Variants in AKAP3 observed in about 807,000 individuals in gnomAD.
The protein encoded by AKAP3 is A-kinase anchor protein 3.
AKAP3 carries 27 observed loss-of-function variants against 57.2 expected under a neutral mutation model. The ratio of observed to expected loss-of-function variants is 0.47; its 90% CI spans 0.35 to 0.65. The LOEUF (loss-of-function observed/expected upper bound fraction) is 0.65, where lower values mean the gene tolerates loss of function less well. Among genes scored for constraint, AKAP3 ranks in the 30% least tolerant of loss-of-function variants. AKAP3 has a pLI of 0.01. For missense variants in AKAP3, 959 were observed against 1,040.0 expected, an observed-to-expected ratio of 0.92 and a Z score of 1.07; for synonymous variants, 334 against 392.3, an observed-to-expected ratio of 0.85 and a Z score of 1.76.
At position 4,641,062 on chromosome 12, in the gene AKAP3, C is replaced by CTTTTTTTT. The variant is rs374817430; in HGVS notation, c.-1+829_-1+836dup. 1.0e-4 allele frequency among the ~76,000 whole-genome samples: 7 copies of CTTTTTTTT among 68,700 alleles called. 1 individual carries two copies. Among genetic ancestry groups the CTTTTTTTT allele is most frequent in the East Asian group, 5.6e-4 (1 of 1,778 alleles). 45.1% of individuals were successfully genotyped at this position (68,700 alleles called of 152,430 possible). On this transcript the variant is annotated intron_variant, in intron 3 of 5. Coordinates refer to ENST00000228850, the MANE Select transcript of AKAP3 (RefSeq NM_001278309.2). ...TCTCTGAGACAGATTTTCTAACTTC[C>CTTTTTTTT]TTTTTTTTTTTTTTTTTTTTTTTTT...
chr12:4,635,376 G>A, intron 4 of AKAP3: 1 of 634,006 alleles, frequency 1.6e-6, no homozygotes, highest in Non-Finnish European at 2.8e-6. Context: ...GTTTGGTTGT[G>A]TGGGTTCAGT....
chr12:4,618,240 C>A (rs1239036671), intron 5 of AKAP3, among the ~76,000 whole-genome samples: 1 of 152,064 alleles, frequency 6.6e-6, no homozygotes, highest in African/African-American at 2.4e-5. Flanking sequence ...AACCTCACTT[C>A]AAATATAATA....
At chr12:4,640,472 T>C (rs539915833) in intron 3 of AKAP3, among the ~76,000 whole-genome samples, 2 of 152,340 alleles carry the variant, frequency 1.3e-5, no homozygotes, top group Admixed American at 6.5e-5. Context: ...TTAAAGGACT[T>C]TGGACTGTGG....
chr12:4,630,467 G>GAAAAGAA (rs1444037076), intron 4 of AKAP3, among the ~76,000 whole-genome samples: 2 of 139,466 alleles, frequency 1.4e-5, no homozygotes, highest in Admixed American at 1.4e-4. Flanking sequence ...TACTTGGAAA[G>GAAAAGAA]AAAAGAAAAG....
At chr12:4,621,787 T>C (rs1008210650) in intron 5 of AKAP3, among the ~76,000 whole-genome samples, 5 of 152,068 alleles carry the variant, frequency 3.3e-5, no homozygotes, top group African/African-American at 4.8e-5. Flanking sequence ...TTTGCTAATA[T>C]CGTAAAGTGG....
Position 4,649,037 on chromosome 12 carries a change from C to G in AKAP3, c.-537G>C. On this transcript the variant is annotated 5_prime_UTR_variant, in exon 1 of 6. Coordinates refer to ENST00000228850, the MANE Select transcript of AKAP3 (RefSeq NM_001278309.2). ...CGAAACCGTCGTTTCTTGGTTAGCG[C>G]TTGCGCAGACAGGCGAGAAAGGTAA... is the stretch of plus-strand genomic sequence containing the variant. 6.8e-7 allele frequency: 1 copy of G among 1,468,814 alleles called. No individual in the cohort carries two copies. Among genetic ancestry groups the G allele is most frequent in the Non-Finnish European group, 9.3e-7 (1 of 1,072,448 alleles). 91.0% of individuals were successfully genotyped at this position (1,468,814 alleles called of 1,614,324 possible).
Position 4,615,728 on chromosome 12 carries a change from G to A in AKAP3, c.*11C>T, listed in dbSNP as rs759103917. On this transcript the variant is annotated 3_prime_UTR_variant, in exon 6 of 6. Transcript: ENST00000228850. ...CACTGCCAGAAGAGGGGAAAGCAGT[G>A]GGGTTGCCGATTACAGGTTCACCAT... 6 of 1,611,548 alleles carry A rather than the reference G, an allele frequency of 3.7e-6. No homozygotes were observed. The highest frequency in any genetic ancestry group is 5.1e-6 in the Non-Finnish European group (6 of 1,178,056).
chr12:4,631,511 GCAGCAATGT>G, intron 4 of AKAP3: 1 of 580,700 alleles, frequency 1.7e-6, no homozygotes, highest in East Asian at 2.9e-5. Flanking sequence ...TTAGATGTAA[GCAGCAATGT>G]CTTCCCCCAG....
Position 4,626,855 on chromosome 12 carries a change from T to C in AKAP3, c.2047A>G (p.Ile683Val), listed in dbSNP as rs766487129. 4 of 1,609,718 alleles carry C rather than the reference T, an allele frequency of 2.5e-6. No homozygotes were observed. Among genetic ancestry groups the C allele is most frequent in the East Asian group, 2.2e-5 (1 of 44,884 alleles). Residue 683 changes from isoleucine (I) to valine (V), a missense_variant, in exon 5 of 6, where the codon ATC becomes GTC. By Grantham distance (29) the Ile-to-Val change is conservative (BLOSUM62 3). Coordinates refer to ENST00000228850, the MANE Select transcript of AKAP3 (RefSeq NM_001278309.2). ...LMNSVMKLCV[I>V]IAKSCDASLA... The stretch of plus-strand genomic sequence containing the variant: ...GAAGCATCACAGGACTTAGCAATGA[T>C]GACACACAGCTTCATCACTGAGTTC...
intron 1 of AKAP3, among the ~76,000 whole-genome samples, chr12:4,647,590 T>TA (rs1422624568): frequency 2.0e-5 from 3 of 152,100 alleles, no homozygotes; most frequent in East Asian, 1.9e-4. Context: ...GTGTTTAACT[T>TA]AGAGATTTTA....
At chr12:4,636,416 G>A (rs1014805843) in intron 4 of AKAP3, among the ~76,000 whole-genome samples, 3 of 152,202 alleles carry the variant, frequency 2.0e-5, no homozygotes, top group African/African-American at 7.2e-5. Flanking sequence ...TTTCCAAAAT[G>A]AATGATAAGG....
At chr12:4,634,604 G>C (rs573665842) in intron 4 of AKAP3, among the ~76,000 whole-genome samples, 1 of 152,218 alleles carries the variant, frequency 6.6e-6, no homozygotes, top group East Asian at 1.9e-4. Flanking sequence ...AGATATCACA[G>C]ACACCTGGTT....
At chr12:4,623,779 T>C (rs1565549656) in intron 5 of AKAP3, among the ~76,000 whole-genome samples, 3 of 152,124 alleles carry the variant, frequency 2.0e-5, no homozygotes, top group Admixed American at 6.6e-5. Context: ...TGGGCAGAAG[T>C]TATGACAAAT....
In AKAP3 at chr12:4,625,303, T is replaced by G. The variant is rs959806278; in HGVS notation, c.2406+1193A>C. ...TGGAGGGAAGTGTGAGATTCTGCACTTCTAAAAAGCTCCCAGGTGATGCCA... is the reference window on the plus strand; with the variant it reads ...TGGAGGGAAGTGTGAGATTCTGCACGTCTAAAAAGCTCCCAGGTGATGCCA... On this transcript the variant is annotated intron_variant, in intron 5 of 5. Transcript: ENST00000228850. The surrounding 1 kb of genome is among the most constrained non-coding windows in gnomAD (Gnocchi z 5.4). 1.3e-5 allele frequency among the ~76,000 whole-genome samples: 2 copies of G among 152,208 alleles called. No homozygotes were observed. Among genetic ancestry groups the G allele is most frequent in the African/African-American group, 4.8e-5 (2 of 41,452 alleles).
At chr12:4,634,103 C>T (rs1284072955) in intron 4 of AKAP3, among the ~76,000 whole-genome samples, 2 of 151,816 alleles carry the variant, frequency 1.3e-5, no homozygotes, top group Non-Finnish European at 2.9e-5. Flanking sequence ...CAGTCCAACA[C>T]TTAAACAGAT....
chr12:4,627,089 TCTCA>T lies in AKAP3; in HGVS notation c.1809_1812del (p.Ser603ArgfsTer50), dbSNP rs760080732. 1.9e-6 allele frequency: 3 copies of T among 1,614,162 alleles called. No homozygotes were observed. The highest frequency in any genetic ancestry group is 1.7e-6 in the Non-Finnish European group (2 of 1,180,018). ...GGGCTCTGGTCACGCTTGAAAATGG[TCTCA>T]CTAAGTAAGTTCCGGATGAAATTAA... On this transcript the variant is annotated frameshift_variant, in exon 5 of 6. Transcript: ENST00000228850. LOFTEE classifies it high-confidence loss of function.
chr12:4,634,432 T>A (rs1945539209), intron 4 of AKAP3, among the ~76,000 whole-genome samples: 1 of 152,194 alleles, frequency 6.6e-6, no homozygotes, highest in South Asian at 2.1e-4. Flanking sequence ...GAGACTATAA[T>A]GCAGTACCCT....
At chr12:4,624,188 T>G (rs769940692) in intron 5 of AKAP3, among the ~76,000 whole-genome samples, 31 of 151,990 alleles carry the variant, frequency 2.0e-4, no homozygotes, top group Non-Finnish European at 4.0e-4. Flanking sequence ...AAAACATATA[T>G]AAAACATATA....
chr12:4,626,803 GA>G lies in AKAP3; in HGVS notation c.2098del (p.Ser700LeufsTer7), dbSNP rs67512580. The G allele has an allele frequency of 0.13, 211,750 of 1,611,628 alleles. 15,040 individuals are homozygous for G. The highest frequency in any genetic ancestry group is 0.26 in the South Asian group (23,460 of 91,072). On this transcript the variant is annotated frameshift_variant, in exon 5 of 6. Coordinates refer to ENST00000228850, the MANE Select transcript of AKAP3 (RefSeq NM_001278309.2). LOFTEE classifies it high-confidence loss of function. ...CGAAGTTAGCCTACTGGCATCTCCA[GA>G]CTTGTCATCTCCCAGCTCTGCCAAC... ...ASLAELGDDK[S>X]GDASRLTSAF...
Sources: allele counts gnomAD v4.1 joint callset (sites outside exome capture counted in the v4.1 genomes callset), GRCh38; gene constraint gnomAD v4.1.1; non-coding constraint Gnocchi (gnomAD v3.1); transcripts MANE v1.5; gene names NCBI Gene and HGNC (gene_info 2026-07-23, HGNC 2026-07-21).